The following FOXN3 variants were observed in gnomAD, a reference collection of about 807,000 sequenced individuals.
FOXN3 encodes forkhead box protein N3.
A neutral mutation model predicts 38.4 loss-of-function variants in FOXN3; 7 were observed. The ratio of observed to expected loss-of-function variants is 0.18; its 90% CI spans 0.10 to 0.34. The LOEUF is 0.34. FOXN3 is among the 10% of genes least tolerant of loss of function. The pLI, the probability that FOXN3 is intolerant of heterozygous loss-of-function variation, is 1.00. For synonymous variants in FOXN3, 230 were observed against 242.2 expected (o/e 0.95, Z 0.47); for missense variants, 456 against 613.4 (o/e 0.74, Z 2.71).
chr14:89,223,550 G>C (rs535220648), intron 4 of FOXN3, among the ~76,000 whole-genome samples: 1 of 152,360 alleles, frequency 6.6e-6, no homozygotes, highest in East Asian at 1.9e-4. Flanking sequence ...CAGCCTCCAG[G>C]AGCCTCCAAT....
intron 1 of FOXN3, among the ~76,000 whole-genome samples, chr14:89,544,746 A>C (rs1056431512): frequency 2.6e-5 from 4 of 152,300 alleles, no homozygotes; most frequent in Admixed American, 2.0e-4. Flanking sequence ...CATCTAACGG[A>C]GACAGCTACT....
At chr14:89,281,450 T>C (rs1886457940) in intron 3 of FOXN3, among the ~76,000 whole-genome samples, 1 of 152,240 alleles carries the variant, frequency 6.6e-6, no homozygotes, top group South Asian at 2.1e-4. Context: ...AAACTTGTCA[T>C]TCTTGGCATT....
chr14:89,609,779 T>A (rs1342304864), intron 1 of FOXN3, among the ~76,000 whole-genome samples: 1 of 151,916 alleles, frequency 6.6e-6, no homozygotes, highest in Non-Finnish European at 1.5e-5. Context: ...TCACTCGTAG[T>A]TTTTTTTGGA....
intron 1 of FOXN3, among the ~76,000 whole-genome samples, chr14:89,453,035 T>G (rs1892645309): frequency 6.6e-6 from 1 of 151,252 alleles, no homozygotes; most frequent in African/African-American, 2.4e-5. Context: ...TCCGTCCCTA[T>G]TAAAAATAGA....
chr14:89,418,706 G>A (rs2140104517), upstream of FOXN3, among the ~76,000 whole-genome samples: 1 of 152,260 alleles, frequency 6.6e-6, no homozygotes, highest in South Asian at 2.1e-4. Context: ...TCACGCCAGA[G>A]ATTCTCAGGG....
chr14:89,333,975 T>C (rs1401006576), intron 3 of FOXN3, among the ~76,000 whole-genome samples: 9 of 1,412 alleles, frequency 6.4e-3, no homozygotes, highest in Admixed American at 0.033. Context: ...TGTATATATA[T>C]ATATATATAT....
upstream of FOXN3, chr14:89,419,744 A>C (rs532364968): frequency 2.0e-5 from 3 of 153,448 alleles, no homozygotes; most frequent in South Asian, 6.1e-4. Flanking sequence ...TGTTTTGTGC[A>C]TTCTTTTGCT....
chr14:89,608,650 C>T lies in FOXN3; in HGVS notation c.-15+10378G>A, dbSNP rs897392866. ...CCTTGCCTCCAACAGCAGAGGCCACCGAGCCTAGGGACCCTGAGTTTGTTC... is the reference window on the plus strand; with the variant it reads ...CCTTGCCTCCAACAGCAGAGGCCACTGAGCCTAGGGACCCTGAGTTTGTTC... On this transcript the variant is annotated intron_variant, in intron 1 of 6. Coordinates refer to the FOXN3 transcript ENST00000345097. Among the ~76,000 whole-genome samples the T allele has an allele frequency of 2.6e-5, 4 of 152,092 alleles. No individual in the cohort carries two copies. In the East Asian group the frequency reaches 5.8e-4, roughly 22 times the overall value.
At chr14:89,442,218 G>A (rs915935205) in intron 1 of FOXN3, among the ~76,000 whole-genome samples, 2 of 152,044 alleles carry the variant, frequency 1.3e-5, no homozygotes, top group African/African-American at 2.4e-5. Context: ...GAGCCACCGC[G>A]CCCGGGTGAA....
chr14:89,295,577 A>AT lies in FOXN3; in HGVS notation c.681-14564dup, dbSNP rs931394499. ...CACAGAATTATCTCAAACACTAAGG[A>AT]TTTTTTTTTTCCTTTTTTTTGAGGC... is the stretch of plus-strand genomic sequence containing the variant. On this transcript the variant is annotated intron_variant, in intron 3 of 5. Transcript: ENST00000557258. Among the ~76,000 whole-genome samples, 1,050 of 149,546 alleles carry AT rather than the reference A, an allele frequency of 7.0e-3. 10 individuals are homozygous for AT. Among genetic ancestry groups the AT allele is most frequent in the African/African-American group, 0.024 (968 of 40,678 alleles).
At position 89,412,023 on chromosome 14, in the gene FOXN3, C is replaced by T; in HGVS notation, c.454G>A (p.Ala152Thr). ...TTTTTCCACCCAGTAGGTGCATTTG[C>T]AAAATACGGAAAATGTTCCAAGATC... ...NWILEHFPYF[A>T]NAPTGWKNSV... Residue 152 changes from alanine to threonine, a missense_variant, in exon 2 of 6, where the codon GCA (alanine) becomes ACA (threonine). By Grantham distance (58) the Ala-to-Thr change is moderately conservative. This residue lies in a region of FOXN3 where 386 missense variants were observed against 505.2 expected (regional missense o/e 0.76). Transcript: ENST00000557258. The surrounding 1 kb of genome is among the most constrained non-coding windows in gnomAD (Gnocchi z 4.7). 6.2e-7 allele frequency: 1 copy of T among 1,612,450 alleles called. No individual in the cohort carries two copies. The highest frequency in any genetic ancestry group is 8.5e-7 in the Non-Finnish European group (1 of 1,179,176).
chr14:89,225,542 T>C (rs1202460329), intron 4 of FOXN3, among the ~76,000 whole-genome samples: 1 of 151,990 alleles, frequency 6.6e-6, no homozygotes, highest in Non-Finnish European at 1.5e-5. Flanking sequence ...AGACAGAGCT[T>C]GCAGTGAGCT....
Position 89,435,520 on chromosome 14 carries a change from G to A in FOXN3, c.-14-23030C>T, listed in dbSNP as rs79311939. ...CCCACGTCATCTCCACGTCCATGGC[G>A]CTCCCAGATAGACTGTGGTACGACA... On this transcript the variant is annotated intron_variant, in intron 1 of 6. Transcript: ENST00000345097. Among the ~76,000 whole-genome samples, 21 of 152,126 alleles carry A rather than the reference G, an allele frequency of 1.4e-4. No homozygotes were observed. In the East Asian group the frequency reaches 3.1e-3, roughly 22 times the overall value.
At chr14:89,303,552 T>C (rs990482447) in intron 3 of FOXN3, among the ~76,000 whole-genome samples, 2 of 151,576 alleles carry the variant, frequency 1.3e-5, no homozygotes, top group African/African-American at 4.8e-5. Context: ...GCTGGTATTA[T>C]GATCCTCATT....
chr14:89,193,239 C>T (rs1365282272), intron 4 of FOXN3, among the ~76,000 whole-genome samples: 2 of 148,832 alleles, frequency 1.3e-5, no homozygotes, highest in African/African-American at 5.0e-5. Context: ...TTTGCTGGGC[C>T]CAGAACAAGA....
At chr14:89,496,311 G>A (rs1204531286) in intron 1 of FOXN3, among the ~76,000 whole-genome samples, 1 of 152,194 alleles carries the variant, frequency 6.6e-6, no homozygotes, top group African/African-American at 2.4e-5. Context: ...GCTGGTGGTG[G>A]AAGTTAGGCA....
chr14:89,259,082 G>A (rs895057126), intron 4 of FOXN3, among the ~76,000 whole-genome samples: 2 of 152,216 alleles, frequency 1.3e-5, no homozygotes, highest in African/African-American at 2.4e-5. Context: ...TACAGATTCT[G>A]GGCCGGACCT....
chr14:89,483,301 G>T (rs1893378814), intron 1 of FOXN3, among the ~76,000 whole-genome samples: 1 of 152,266 alleles, frequency 6.6e-6, no homozygotes, highest in South Asian at 2.1e-4. Flanking sequence ...ATCACAAGAT[G>T]AAAGAGGCCT....
chr14:89,475,030 G>A (rs916097451), intron 1 of FOXN3, among the ~76,000 whole-genome samples: 9 of 151,474 alleles, frequency 5.9e-5, no homozygotes, highest in African/African-American at 2.2e-4. Context: ...TGGCCAGGCT[G>A]GTCTCGAACT....
Sources: gnomAD v4.1 joint callset for allele counts (sites outside exome capture counted in the v4.1 genomes callset) on GRCh38, gnomAD v4.1.1 for gene constraint, gnomAD v4.1.1 regional missense constraint, Gnocchi (gnomAD v3.1) non-coding constraint, MANE v1.5 for transcripts, NCBI Gene and HGNC (gene_info 2026-07-23, HGNC 2026-07-21) for gene names.